The following ASTN1 variants were observed in gnomAD, a reference collection of about 807,000 sequenced individuals.
The protein encoded by ASTN1 is astrotactin-1.
A neutral mutation model predicts 140.7 loss-of-function variants in ASTN1; 41 were observed. The ratio of observed to expected loss-of-function variants is 0.29; its 90% confidence interval spans 0.23 to 0.38. The LOEUF is 0.38. Ranked by LOEUF, ASTN1 falls within the 10% of genes least tolerant of loss-of-function variation. ASTN1 has a pLI of 1.00. For synonymous variants in ASTN1, 640 were observed against 652.2 expected, an observed-to-expected ratio of 0.98 and a Z score of 0.29; for missense variants, 1,479 against 1,678.8, an observed-to-expected ratio of 0.88 and a Z score of 2.08.
At chr1:176,954,743 TG>T (rs1672329128) in intron 11 of ASTN1, among the ~76,000 whole-genome samples, 1 of 152,172 alleles carries the variant, frequency 6.6e-6, no homozygotes, top group Admixed American at 6.5e-5. Context: ...CTGACCATGA[TG>T]CTTGGAACCC....
chr1:177,154,109 T>G (rs1683148400), intron 1 of ASTN1, among the ~76,000 whole-genome samples: 1 of 152,108 alleles, frequency 6.6e-6, no homozygotes, highest in Non-Finnish European at 1.5e-5. Context: ...TTCACAAAAG[T>G]CCTTGAGGAA....
chr1:177,042,802 C>G (rs1432219866), intron 2 of ASTN1, among the ~76,000 whole-genome samples: 1 of 152,214 alleles, frequency 6.6e-6, no homozygotes, highest in Non-Finnish European at 1.5e-5. Context: ...AAGAAGCCCA[C>G]CACTGTGGTC....
intron 8 of ASTN1, among the ~76,000 whole-genome samples, chr1:177,007,165 G>A (rs981135582): frequency 3.3e-5 from 5 of 152,026 alleles, no homozygotes; most frequent in East Asian, 1.9e-4. Context: ...AGGCTGAGGC[G>A]GGTGGATCAC....
chr1:177,055,313 A>C (rs1677745575), intron 2 of ASTN1, among the ~76,000 whole-genome samples: 1 of 152,226 alleles, frequency 6.6e-6, no homozygotes, highest in African/African-American at 2.4e-5. Context: ...ATGTATACCT[A>C]TGCCCGACGC....
chr1:177,009,505 T>C (rs1043145728), intron 8 of ASTN1, among the ~76,000 whole-genome samples: 3 of 152,206 alleles, frequency 2.0e-5, no homozygotes, highest in African/African-American at 7.2e-5. Context: ...TTGGGACATT[T>C]GCTCCTTATA....
intron 20 of ASTN1, among the ~76,000 whole-genome samples, chr1:176,878,684 C>A (rs1668665870): frequency 6.6e-6 from 1 of 152,116 alleles, no homozygotes; most frequent in Non-Finnish European, 1.5e-5. Flanking sequence ...TCAGCACCAA[C>A]TCCCTCCTCT....
intron 16 of ASTN1, among the ~76,000 whole-genome samples, chr1:176,933,407 G>T (rs1671290948): frequency 6.6e-6 from 1 of 152,172 alleles, no homozygotes; most frequent in African/African-American, 2.4e-5. Flanking sequence ...CTACAACTTG[G>T]CCTCATCAGA....
At chr1:176,971,049 G>T (rs1673122090) in intron 8 of ASTN1, among the ~76,000 whole-genome samples, 1 of 152,098 alleles carries the variant, frequency 6.6e-6, no homozygotes, top group Admixed American at 6.5e-5. Flanking sequence ...CCCAGTATGG[G>T]ATATTATATT....
intron 8 of ASTN1, among the ~76,000 whole-genome samples, chr1:177,000,676 T>C (rs978064133): frequency 2.0e-5 from 3 of 152,208 alleles, no homozygotes; most frequent in Non-Finnish European, 4.4e-5. Context: ...GCATATTCTT[T>C]ATTGCTCCAA....
At chr1:177,148,652 T>C (rs1333347680) in intron 1 of ASTN1, among the ~76,000 whole-genome samples, 1 of 147,572 alleles carries the variant, frequency 6.8e-6, no homozygotes, top group East Asian at 2.0e-4. Flanking sequence ...ATGCACTAGC[T>C]TTTTTTTTTC....
At chr1:177,013,447 T>G (rs969534363) in intron 8 of ASTN1, among the ~76,000 whole-genome samples, 2 of 152,230 alleles carry the variant, frequency 1.3e-5, no homozygotes, top group Non-Finnish European at 2.9e-5. Context: ...TGAGTTCTTC[T>G]ATCCCTTTAT....
chr1:177,041,416 G>A (rs553357470), intron 2 of ASTN1, among the ~76,000 whole-genome samples: 1 of 152,310 alleles, frequency 6.6e-6, no homozygotes, highest in Admixed American at 6.5e-5. Context: ...AAGATAAAAG[G>A]GTCCACAAGG....
rs761542985 is a variant in ASTN1 at position 176,898,828 on chromosome 1, A to G, written c.2672-3998T>C. On this transcript the variant is annotated intron_variant, in intron 16 of 22. Coordinates refer to ENST00000361833, the MANE Select transcript of ASTN1 (RefSeq NM_004319.3). ...TTCTACCCTCTAGAGTCTGAGTAGAACTGCTCTAGAGGTTGGAGACACTAT... is the reference window on the plus strand; with the variant it reads ...TTCTACCCTCTAGAGTCTGAGTAGAGCTGCTCTAGAGGTTGGAGACACTAT... Among the ~76,000 whole-genome samples the G allele has an allele frequency of 1.3e-4, 20 of 152,304 alleles. No homozygotes were observed. In the South Asian group the frequency reaches 2.5e-3, roughly 19 times the overall value.
chr1:177,032,927 C>T, intron 2 of ASTN1, 78 bp from the exon 3 acceptor site: 1 of 1,427,232 alleles, frequency 7.0e-7, no homozygotes, highest in Non-Finnish European at 9.4e-7. Context: ...CCTTCTGCTA[C>T]CACCATTCAT....
Position 177,001,662 on chromosome 1 carries a change from T to C in ASTN1, c.1523+13129A>G, listed in dbSNP as rs114879248. ...GCTGCCTCTCTTAAAGATACAAATG[T>C]GAGCAGGTGAACGTTAACCCTCTTA... On this transcript the variant is annotated intron_variant, in intron 8 of 22. Transcript: ENST00000361833. Among the ~76,000 whole-genome samples, 196 of 152,304 alleles carry C rather than the reference T, an allele frequency of 1.3e-3. 1 individual carries two copies. In the Middle Eastern group the frequency reaches 0.034, roughly 26 times the overall value.
intron 1 of ASTN1, among the ~76,000 whole-genome samples, chr1:177,066,676 A>T (rs570232671): frequency 6.6e-6 from 1 of 152,338 alleles, no homozygotes; most frequent in South Asian, 2.1e-4. Context: ...CTCCCAAAAT[A>T]CAACCTCATT....
At chr1:176,938,549 C>T (rs1195236309) in intron 14 of ASTN1, among the ~76,000 whole-genome samples, 2 of 152,186 alleles carry the variant, frequency 1.3e-5, no homozygotes, top group Admixed American at 6.5e-5. Flanking sequence ...CACTTTCATA[C>T]CCATAACTTC....
At chr1:177,130,898 G>A (rs1185473602) in intron 1 of ASTN1, among the ~76,000 whole-genome samples, 1 of 152,214 alleles carries the variant, frequency 6.6e-6, no homozygotes, top group Middle Eastern at 3.2e-3. Context: ...CCTTGAGAAG[G>A]AGAAAGCTTT....
At chr1:176,887,952 AG>A in intron 18 of ASTN1, 118 bp downstream of exon 18, 1 of 1,389,604 alleles carries the variant, frequency 7.2e-7, no homozygotes, top group Non-Finnish European at 9.8e-7. Context: ...AGCTCTCTAA[AG>A]GCAGGTATTG....
Sources: allele counts gnomAD v4.1 joint callset (sites outside exome capture counted in the v4.1 genomes callset), GRCh38; gene constraint gnomAD v4.1.1; transcripts MANE v1.5; gene names NCBI Gene and HGNC (gene_info 2026-07-23, HGNC 2026-07-21).